SUCLG1: variants seen among roughly 807,000 people sequenced by gnomAD.
SUCLG1 encodes succinate--CoA ligase [ADP/GDP-forming] subunit alpha, mitochondrial.
A neutral mutation model predicts 37.3 loss-of-function variants in SUCLG1; 26 were observed. The observed-to-expected ratio is 0.70, with a 90% CI of 0.51 to 0.97. The LOEUF is 0.97. SUCLG1 is among the 50% of genes least tolerant of loss of function. The probability of loss-of-function intolerance (pLI) is 0.00; values close to 1 mark genes in which losing one functional copy is unlikely to be tolerated. For missense variants in SUCLG1, 433 were observed against 432.9 expected, an observed-to-expected ratio of 1.00 and a Z score of 0.00; for synonymous variants, 163 against 155.6, an observed-to-expected ratio of 1.05 and a Z score of -0.36.
At chr2:84,453,386 C>T (rs1672969310) in intron 1 of SUCLG1, among the ~76,000 whole-genome samples, 1 of 151,704 alleles carries the variant, frequency 6.6e-6, no homozygotes, top group African/African-American at 2.4e-5. Context: ...GATGAGATGC[C>T]TAGCTTTACT....
intron 7 of SUCLG1, among the ~76,000 whole-genome samples, chr2:84,427,429 T>G (rs1437115076): frequency 6.6e-6 from 1 of 152,224 alleles, no homozygotes; most frequent in South Asian, 2.1e-4. Context: ...TTTTGTAACA[T>G]GCATTCCTCA....
intron 7 of SUCLG1, among the ~76,000 whole-genome samples, chr2:84,430,028 A>G (rs1158776568): frequency 6.6e-6 from 1 of 152,182 alleles, no homozygotes; most frequent in African/African-American, 2.4e-5. Context: ...AGAGAAATAA[A>G]AGTTAGTTCT....
In SUCLG1 at chr2:84,430,739, T is replaced by C. The variant is rs973000378; in HGVS notation, c.825+769A>G. On this transcript the variant is annotated intron_variant, in intron 7 of 8. Coordinates refer to ENST00000393868, the MANE Select transcript of SUCLG1 (RefSeq NM_003849.4). Reference sequence around the variant, plus strand: ...TGGTCCCCTGAAGAAAAATTTTCACTCATTCCTCAGTATAAGAGAAATTCT... The same window carrying C: ...TGGTCCCCTGAAGAAAAATTTTCACCCATTCCTCAGTATAAGAGAAATTCT... 2.0e-5 allele frequency among the ~76,000 whole-genome samples: 3 copies of C among 152,216 alleles called. No individual in the cohort carries two copies. In the East Asian group the frequency reaches 5.8e-4, roughly 29 times the overall value.
At chr2:84,430,883 T>C (rs1672603750) in intron 7 of SUCLG1, among the ~76,000 whole-genome samples, 1 of 152,100 alleles carries the variant, frequency 6.6e-6, no homozygotes, top group African/African-American at 2.4e-5. Context: ...CGCACCCCCA[T>C]CTCTCCTTTC....
intron 7 of SUCLG1, chr2:84,426,288 A>G (rs973037786): frequency 1.3e-5 from 2 of 151,970 alleles, no homozygotes; most frequent in African/African-American, 4.8e-5. Flanking sequence ...AAAAAAAAAA[A>G]AAAAGAAAAT....
Position 84,425,715 on chromosome 2 carries a change from A to G in SUCLG1, c.826-112T>C. Reference sequence around the variant, plus strand: ...AAATGGCTTGGGCAGGGGAAAGCCCACCATTCATCTTAGGAAAACCAACAC... The same window carrying G: ...AAATGGCTTGGGCAGGGGAAAGCCCGCCATTCATCTTAGGAAAACCAACAC... On this transcript the variant is annotated intron_variant, in intron 7 of 8. Coordinates refer to ENST00000393868, the MANE Select transcript of SUCLG1 (RefSeq NM_003849.4). 7.6e-6 allele frequency: 9 copies of G among 1,185,396 alleles called. No individual in the cohort carries two copies. In the South Asian group the frequency reaches 1.1e-4, roughly 15 times the overall value. 73.4% of individuals were successfully genotyped at this position (1,185,396 alleles called of 1,614,324 possible).
chr2:84,453,093 C>G (rs1316710270), intron 1 of SUCLG1, among the ~76,000 whole-genome samples: 2 of 152,126 alleles, frequency 1.3e-5, no homozygotes, highest in Non-Finnish European at 2.9e-5. Context: ...AGTACAAACG[C>G]CATGCTGACA....
At chr2:84,442,715 C>T (rs563329441) in intron 3 of SUCLG1, among the ~76,000 whole-genome samples, 71 of 152,218 alleles carry the variant, frequency 4.7e-4, no homozygotes, top group South Asian at 2.1e-3. Flanking sequence ...CAGCAGTTTG[C>T]GGAGAATCTA....
intron 3 of SUCLG1, among the ~76,000 whole-genome samples, chr2:84,442,002 G>A (rs920223547): frequency 1.3e-5 from 2 of 152,136 alleles, no homozygotes; most frequent in Non-Finnish European, 2.9e-5. Context: ...GACGTCATAT[G>A]GATGAAAGGT....
intron 7 of SUCLG1, among the ~76,000 whole-genome samples, chr2:84,430,476 A>G (rs1672598365): frequency 6.6e-6 from 1 of 152,230 alleles, no homozygotes; most frequent in African/African-American, 2.4e-5. Context: ...AACCTGAGTC[A>G]TATCTAATAT....
At chr2:84,446,522 A>G (rs1294626980) in intron 2 of SUCLG1, among the ~76,000 whole-genome samples, 1 of 152,212 alleles carries the variant, frequency 6.6e-6, no homozygotes, top group African/African-American at 2.4e-5. Flanking sequence ...TTCTTTTTCA[A>G]AATAGGAAAC....
chr2:84,443,234 G>A (rs371690338), intron 3 of SUCLG1, 50 bp downstream of exon 3: 36 of 1,481,752 alleles, frequency 2.4e-5, no homozygotes, highest in Middle Eastern at 1.8e-4. Context: ...AAGAATGCTC[G>A]CTCTTCCCTT....
intron 8 of SUCLG1, among the ~76,000 whole-genome samples, chr2:84,424,679 CTTT>C (rs1471938282): frequency 4.6e-5 from 7 of 151,976 alleles, no homozygotes; most frequent in African/African-American, 7.2e-5. Flanking sequence ...TTGTTTTTTG[CTTT>C]TTGTGTGTGT....
chr2:84,459,046 C>G lies in SUCLG1; in HGVS notation c.97+127G>C, dbSNP rs1244257418. The G allele has an allele frequency of 1.2e-5, 12 of 962,352 alleles. No homozygotes were observed. In the African/African-American group the frequency reaches 1.5e-4, roughly 12 times the overall value. 59.6% of individuals were successfully genotyped at this position (962,352 alleles called of 1,614,324 possible). ...GGGTCCCCGACTCGAAGCCGGAATC[C>G]CAAGCGGCTCCCAGGCCCCCGCCGA... On this transcript the variant is annotated intron_variant, in intron 1 of 8. Transcript: ENST00000393868.
At chr2:84,428,662 ATTTG>A (rs1398360618) in intron 7 of SUCLG1, among the ~76,000 whole-genome samples, 5 of 152,224 alleles carry the variant, frequency 3.3e-5, no homozygotes, top group African/African-American at 1.2e-4. Context: ...TTGGAGGCTT[ATTTG>A]TTTTTGTTTT....
intron 1 of SUCLG1, among the ~76,000 whole-genome samples, chr2:84,450,155 C>A (rs1187940916): frequency 6.6e-6 from 1 of 152,180 alleles, no homozygotes; most frequent in Non-Finnish European, 1.5e-5. Flanking sequence ...CGTTTCCCCA[C>A]TTGACCCAAA....
At chr2:84,449,619 A>C (rs761553266) in intron 2 of SUCLG1, 30 bp downstream of exon 2, 2 of 1,410,932 alleles carry the variant, frequency 1.4e-6, no homozygotes, top group Admixed American at 3.8e-5. Flanking sequence ...TCTAGTCTAC[A>C]TTTGAAAATA....
intron 6 of SUCLG1, 106 bp from the exon 7 acceptor site, chr2:84,431,765 CTT>C: frequency 8.5e-7 from 1 of 1,174,888 alleles, no homozygotes; most frequent in Non-Finnish European, 1.2e-6. Flanking sequence ...ACCCTTCTCT[CTT>C]ATATTTTTAA....
At chr2:84,434,384 T>C (rs946747585) in intron 5 of SUCLG1, among the ~76,000 whole-genome samples, 2 of 152,144 alleles carry the variant, frequency 1.3e-5, no homozygotes, top group African/African-American at 4.8e-5. Flanking sequence ...TGGAATCAAG[T>C]CTCCCACCTA....
Sources: allele counts gnomAD v4.1 joint callset (sites outside exome capture counted in the v4.1 genomes callset), GRCh38; gene constraint gnomAD v4.1.1; transcripts MANE v1.5; gene names NCBI Gene and HGNC (gene_info 2026-07-23, HGNC 2026-07-21).